The following ARHGAP24 variants were observed in gnomAD, a reference collection of about 807,000 sequenced individuals.
ARHGAP24 encodes the protein Rho GTPase activating protein 24, also known as rho GTPase-activating protein 24.
ARHGAP24 carries 50 observed loss-of-function variants against 76.4 expected under a neutral mutation model. That is an observed-to-expected ratio of 0.65 (90% CI 0.52 to 0.83). The LOEUF is 0.83. Ranked by LOEUF, ARHGAP24 falls within the 40% of genes least tolerant of loss-of-function variation. The probability of loss-of-function intolerance (pLI) is 0.00; values close to 1 mark genes in which losing one functional copy is unlikely to be tolerated. For missense variants in ARHGAP24, 930 were observed against 914.2 expected, an observed-to-expected ratio of 1.02 and a Z score of -0.22; for synonymous variants, 345 against 323.3, an observed-to-expected ratio of 1.07 and a Z score of -0.72.
chr4:85,715,747 A>G (rs1005839224), intron 2 of ARHGAP24, among the ~76,000 whole-genome samples: 2 of 152,078 alleles, frequency 1.3e-5, no homozygotes, highest in African/African-American at 2.4e-5. Context: ...AATATGTAAT[A>G]CCTGTTTTCA....
At chr4:85,621,852 A>G (rs1043062336) in intron 2 of ARHGAP24, among the ~76,000 whole-genome samples, 1 of 152,106 alleles carries the variant, frequency 6.6e-6, no homozygotes, top group African/African-American at 2.4e-5. Context: ...GCCAATGTCC[A>G]AAATAGTTTT....
intron 3 of ARHGAP24, among the ~76,000 whole-genome samples, chr4:85,731,152 C>T (rs983282333): frequency 1.5e-4 from 6 of 38,746 alleles, no homozygotes; most frequent in African/African-American, 1.6e-4. Flanking sequence ...CACCCATCTG[C>T]GCCCACAAAA....
intron 3 of ARHGAP24, among the ~76,000 whole-genome samples, chr4:85,854,971 G>A (rs577615165): frequency 6.6e-6 from 1 of 152,144 alleles, no homozygotes; most frequent in Non-Finnish European, 1.5e-5. Flanking sequence ...CTAACTTTAT[G>A]TTAACTTGCT....
At chr4:85,660,732 G>T (rs1410067063) in intron 2 of ARHGAP24, among the ~76,000 whole-genome samples, 1 of 140,736 alleles carries the variant, frequency 7.1e-6, no homozygotes, top group Non-Finnish European at 1.5e-5. Flanking sequence ...GGAGTAGGAG[G>T]TTGCAGTGAG....
chr4:85,753,105 G>C (rs1726325823), intron 3 of ARHGAP24, among the ~76,000 whole-genome samples: 1 of 152,174 alleles, frequency 6.6e-6, no homozygotes, highest in Non-Finnish European at 1.5e-5. Flanking sequence ...GATATCTTCT[G>C]ACACCTTCTT....
At chr4:85,696,071 T>C (rs1723853160) in intron 2 of ARHGAP24, among the ~76,000 whole-genome samples, 1 of 152,162 alleles carries the variant, frequency 6.6e-6, no homozygotes, top group African/African-American at 2.4e-5. Context: ...TTTTAATCTC[T>C]CAGAATATAT....
chr4:85,497,914 G>A (rs191156881), intron 1 of ARHGAP24, among the ~76,000 whole-genome samples: 20 of 152,192 alleles, frequency 1.3e-4, no homozygotes, highest in Admixed American at 6.5e-4. Context: ...TTGAACACAC[G>A]GCAGTTTTGC....
chr4:85,953,754 G>A (rs1469812624), intron 5 of ARHGAP24, among the ~76,000 whole-genome samples: 2 of 152,082 alleles, frequency 1.3e-5, no homozygotes, highest in Non-Finnish European at 2.9e-5. Context: ...ACGAGGTCAG[G>A]GCAGAGGGAG....
Position 85,942,147 on chromosome 4 carries a change from A to G in ARHGAP24, c.473A>G (p.Gln158Arg), listed in dbSNP as rs112475438. The G allele has an allele frequency of 8.2e-5, 133 of 1,613,946 alleles. 2 individuals are homozygous for G. In the Admixed American group the frequency reaches 2.2e-3, roughly 27 times the overall value. Residue 158 changes from glutamine (Q) to arginine (R), a missense_variant, in exon 5 of 10, where the codon CAG becomes CGG. By Grantham distance (43) the Gln-to-Arg change is conservative (BLOSUM62 1). Transcript: ENST00000395184. ...CGTCTGGCTCCGATGTTGGTGGAGC[A>G]GTGCGTGGACTTTATCCGACAAAGG... ...GNRLAPMLVE[Q>R]CVDFIRQRGL...
At chr4:85,806,573 T>G (rs1728801341) in intron 3 of ARHGAP24, among the ~76,000 whole-genome samples, 1 of 151,948 alleles carries the variant, frequency 6.6e-6, no homozygotes, top group Admixed American at 6.6e-5. Flanking sequence ...TATGACATAT[T>G]TTTTTAATTG....
intron 6 of ARHGAP24, 95 bp from the exon 7 acceptor site, chr4:85,974,793 C>A: frequency 1.7e-6 from 2 of 1,158,806 alleles, no homozygotes; most frequent in Non-Finnish European, 2.5e-6. Context: ...ACATGTGAAA[C>A]TAATTTTTTA....
chr4:85,995,747 G>A (rs1740625990), intron 9 of ARHGAP24, 90 bp downstream of exon 9: 2 of 1,286,368 alleles, frequency 1.6e-6, no homozygotes, highest in South Asian at 1.2e-5. Context: ...ACATATGCTG[G>A]CTCCAAAGTC....
intron 3 of ARHGAP24, among the ~76,000 whole-genome samples, chr4:85,873,385 C>G (rs892623428): frequency 6.6e-6 from 1 of 152,128 alleles, no homozygotes; most frequent in Non-Finnish European, 1.5e-5. Flanking sequence ...CTCCCTATTT[C>G]CTTTCCAAGT....
chr4:85,506,767 C>T (rs983971778), intron 1 of ARHGAP24, among the ~76,000 whole-genome samples: 2 of 152,126 alleles, frequency 1.3e-5, no homozygotes, highest in Non-Finnish European at 2.9e-5. Context: ...GTCCAACCAG[C>T]CCCAGTGAGA....
At chr4:85,622,197 C>T (rs1325366706) in intron 2 of ARHGAP24, among the ~76,000 whole-genome samples, 2 of 151,788 alleles carry the variant, frequency 1.3e-5, no homozygotes, top group African/African-American at 2.4e-5. Context: ...GCTGCACCCA[C>T]TAACTTGTCA....
chr4:85,606,331 G>A (rs1720191501), intron 2 of ARHGAP24, among the ~76,000 whole-genome samples: 1 of 152,012 alleles, frequency 6.6e-6, no homozygotes, highest in Non-Finnish European at 1.5e-5. Flanking sequence ...GGCTAACACA[G>A]CGAAACCCTG....
At chr4:85,642,770 A>G (rs1721573571) in intron 2 of ARHGAP24, among the ~76,000 whole-genome samples, 1 of 152,312 alleles carries the variant, frequency 6.6e-6, no homozygotes, top group East Asian at 1.9e-4. Context: ...TTGTCTCACA[A>G]AAGTCCATTT....
rs891856511 is a variant in ARHGAP24 at position 85,623,675 on chromosome 4, C to A, written c.180+52954C>A. 2.6e-5 allele frequency among the ~76,000 whole-genome samples: 4 copies of A among 151,500 alleles called. No individual in the cohort carries two copies. In the East Asian group the frequency reaches 7.8e-4, roughly 29 times the overall value. On this transcript the variant is annotated intron_variant, in intron 2 of 9. Transcript: ENST00000395184. ...GGATGGCATTGAATCTATAAATTACCATGGGCAGTATGGCCATTTTCACGA... is the reference window on the plus strand; with the variant it reads ...GGATGGCATTGAATCTATAAATTACAATGGGCAGTATGGCCATTTTCACGA...
rs983080270 is a variant in ARHGAP24, at chr4:85,475,399, G to A, written c.-181G>A. 6.5e-6 allele frequency: 1 copy of A among 152,750 alleles called. No individual in the cohort carries two copies. Among genetic ancestry groups the A allele is most frequent in the African/African-American group, 2.4e-5 (1 of 41,442 alleles). The allele number at this position is 152,750 out of a possible 1,614,324, so 9.5% of individuals were successfully genotyped here. A position where few individuals can be genotyped will look rare whatever the true frequency, so the allele number is the denominator to read the frequency against. On this transcript the variant is annotated 5_prime_UTR_variant, in exon 1 of 10. Transcript: ENST00000395184. ...TATTTCCTCCGAAACCCGCGCTGCG[G>A]AGCAGCCCAGTGCATAGAGTTCAAC...
Sources: gnomAD v4.1 joint callset for allele counts (sites outside exome capture counted in the v4.1 genomes callset) on GRCh38, gnomAD v4.1.1 for gene constraint, MANE v1.5 for transcripts, NCBI Gene and HGNC (gene_info 2026-07-23, HGNC 2026-07-21) for gene names.